The following COBLL1 variants were observed in gnomAD, a reference collection of about 807,000 sequenced individuals.
COBLL1 encodes the protein cordon-bleu WH2 repeat protein like 1.
Under a neutral mutation model 94.8 loss-of-function variants are expected in COBLL1, and 50 were observed. The ratio of observed to expected loss-of-function variants is 0.53; its 90% CI spans 0.42 to 0.67. The LOEUF (loss-of-function observed/expected upper bound fraction) is 0.67. COBLL1 is among the 30% of genes least tolerant of loss of function. COBLL1 has a pLI of 0.00. For synonymous variants in COBLL1, 448 were observed against 473.8 expected (o/e 0.95, Z 0.71); for missense variants, 1,362 against 1,348.7 (o/e 1.01, Z -0.15).
intron 2 of COBLL1, among the ~76,000 whole-genome samples, chr2:164,754,128 G>A (rs1044283055): frequency 1.8e-4 from 28 of 152,084 alleles, no homozygotes; most frequent in African/African-American, 6.0e-4. Flanking sequence ...AGTGCTATAA[G>A]TGTAAAATAC....
At chr2:164,720,165 A>G (rs1237060217) in intron 7 of COBLL1, among the ~76,000 whole-genome samples, 2 of 152,172 alleles carry the variant, frequency 1.3e-5, no homozygotes, top group Non-Finnish European at 2.9e-5. Flanking sequence ...AAAGACAAAT[A>G]AGTCTGGGTC....
In COBLL1 at chr2:164,841,642, C is replaced by T; in HGVS notation, c.-51+68G>A. On this transcript the variant is annotated intron_variant, in intron 1 of 13. Coordinates refer to ENST00000652658, the MANE Select transcript of COBLL1 (RefSeq NM_001365672.2). The surrounding 1 kb of genome is among the most constrained non-coding windows in gnomAD (Gnocchi z 5.5). ...GGCCGAGTTTGCACAAACAAAACGC[C>T]CTAGGAAAACTTTTCCCGAAGAGAA... is the stretch of plus-strand genomic sequence containing the variant. 2.9e-6 allele frequency: 1 copy of T among 347,544 alleles called. No individual in the cohort carries two copies. Among genetic ancestry groups the T allele is most frequent in the Non-Finnish European group, 5.0e-6 (1 of 198,736 alleles). 21.5% of individuals were successfully genotyped at this position (347,544 alleles called of 1,614,324 possible).
chr2:164,821,582 G>C (rs1394155587), intron 2 of COBLL1, among the ~76,000 whole-genome samples: 1 of 152,146 alleles, frequency 6.6e-6, no homozygotes, highest in Non-Finnish European at 1.5e-5. Context: ...TTACACAAGA[G>C]GACTGTCTTA....
chr2:164,821,257 A>G (rs1301398356), intron 2 of COBLL1, among the ~76,000 whole-genome samples: 1 of 152,170 alleles, frequency 6.6e-6, no homozygotes, highest in African/African-American at 2.4e-5. Flanking sequence ...TGGCACCACA[A>G]AGCTCAAAGA....
chr2:164,706,056 A>G (rs913553073), intron 7 of COBLL1, among the ~76,000 whole-genome samples: 14 of 152,086 alleles, frequency 9.2e-5, no homozygotes, highest in Non-Finnish European at 1.3e-4. Context: ...TAAATAAACA[A>G]AAGAGTTGTT....
At chr2:164,708,511 T>A (rs1257866397) in intron 7 of COBLL1, among the ~76,000 whole-genome samples, 1 of 152,236 alleles carries the variant, frequency 6.6e-6, no homozygotes, top group African/African-American at 2.4e-5. Context: ...TTTCTACTGA[T>A]AATGCCCTTC....
chr2:164,661,468 G>A (rs1020527913), intron 2 of COBLL1, among the ~76,000 whole-genome samples: 1 of 152,066 alleles, frequency 6.6e-6, no homozygotes, highest in African/African-American at 2.4e-5. Flanking sequence ...TCATAGAAAA[G>A]TGTTTAATTA....
Position 164,682,961 on chromosome 2 carries a change from C to T in COBLL1, c.*2985G>A, listed in dbSNP as rs1433762208. 1.3e-5 allele frequency: 2 copies of T among 151,194 alleles called. No individual in the cohort carries two copies. The highest frequency in any genetic ancestry group is 2.9e-5 in the Non-Finnish European group (2 of 67,838). The allele number at this position is 151,194 out of a possible 1,614,324, so 9.4% of individuals were successfully genotyped here. The stretch of plus-strand genomic sequence containing the variant: ...TGCTGGTATAAAAGGCAAGTTGTTA[C>T]ATAGTATTAGAGTGTGACCTCCTTT... On this transcript the variant is annotated 3_prime_UTR_variant, in exon 14 of 14. Coordinates refer to ENST00000652658, the MANE Select transcript of COBLL1 (RefSeq NM_001365672.2).
intron 1 of COBLL1, among the ~76,000 whole-genome samples, chr2:164,673,510 A>T (rs1281072047): frequency 6.6e-6 from 1 of 152,096 alleles, no homozygotes; most frequent in African/African-American, 2.4e-5. Context: ...CCTCATCTCC[A>T]CTAAAAATAC....
At chr2:164,710,516 A>T (rs1353256774) in intron 7 of COBLL1, among the ~76,000 whole-genome samples, 1 of 152,100 alleles carries the variant, frequency 6.6e-6, no homozygotes, top group African/African-American at 2.4e-5. Context: ...AAATTAAATT[A>T]AATTAAATTA....
intron 9 of COBLL1, among the ~76,000 whole-genome samples, chr2:164,703,867 GCTA>G (rs1233184282): frequency 6.6e-6 from 1 of 152,080 alleles, no homozygotes; most frequent in Non-Finnish European, 1.5e-5. Context: ...TCTTAGAAAA[GCTA>G]CTAAGTAGCT....
At chr2:164,687,622 A>G (rs1683369255) in intron 13 of COBLL1, 3 of 1,013,276 alleles carry the variant, frequency 3.0e-6, no homozygotes, top group Non-Finnish European at 4.6e-6. Flanking sequence ...AAGGTCAGAG[A>G]CATGAACATA....
intron 12 of COBLL1, among the ~76,000 whole-genome samples, chr2:164,693,475 G>C (rs1002156876): frequency 6.6e-6 from 1 of 152,076 alleles, no homozygotes; most frequent in African/African-American, 2.4e-5. Flanking sequence ...ATCAGAGTAA[G>C]AGTACACAAA....
intron 11 of COBLL1, among the ~76,000 whole-genome samples, chr2:164,699,008 T>C (rs912843862): frequency 3.3e-5 from 5 of 151,872 alleles, no homozygotes; most frequent in African/African-American, 9.7e-5. Context: ...CCAAGGAAGT[T>C]AGATGGAAAA....
In COBLL1 at chr2:164,719,990, A is replaced by C. The variant is rs192976745; in HGVS notation, c.996+2085T>G. ...AAGAAGAGGTTCAAGACCAAGGAAG[A>C]AAAAGACAAATCAAGACCAAGGGGG... On this transcript the variant is annotated intron_variant, in intron 7 of 13. Transcript: ENST00000652658. Among the ~76,000 whole-genome samples, 49 of 152,290 alleles carry C rather than the reference A, an allele frequency of 3.2e-4. No homozygotes were observed. In the East Asian group the frequency reaches 7.9e-3, roughly 25 times the overall value.
At chr2:164,728,466 A>T (rs994728178) in intron 4 of COBLL1, among the ~76,000 whole-genome samples, 3 of 152,100 alleles carry the variant, frequency 2.0e-5, no homozygotes, top group African/African-American at 7.2e-5. Flanking sequence ...AACTAGCCTC[A>T]TATCTAGTAC....
intron 2 of COBLL1, among the ~76,000 whole-genome samples, chr2:164,765,530 A>G (rs1687888643): frequency 6.6e-6 from 1 of 152,184 alleles, no homozygotes; most frequent in South Asian, 2.1e-4. Context: ...ATAACAAAAT[A>G]TGAGTAAAAT....
chr2:164,760,619 C>A (rs1044096191), intron 2 of COBLL1, among the ~76,000 whole-genome samples: 1 of 152,032 alleles, frequency 6.6e-6, no homozygotes. Flanking sequence ...GATGTCACTT[C>A]CTTGGTTTTG....
At chr2:164,814,395 A>G (rs918761511) in intron 2 of COBLL1, among the ~76,000 whole-genome samples, 1 of 152,154 alleles carries the variant, frequency 6.6e-6, no homozygotes, top group Non-Finnish European at 1.5e-5. Context: ...AAGAGTCTTT[A>G]CTTTCTGCTA....
Sources: gnomAD v4.1 joint callset for allele counts (sites outside exome capture counted in the v4.1 genomes callset) on GRCh38, gnomAD v4.1.1 for gene constraint, Gnocchi (gnomAD v3.1) non-coding constraint, MANE v1.5 for transcripts, NCBI Gene and HGNC (gene_info 2026-07-23, HGNC 2026-07-21) for gene names.